The following STAP2 variants were observed in gnomAD, a reference collection of about 807,000 sequenced individuals.
STAP2 encodes the protein signal-transducing adaptor protein 2.
Under a neutral mutation model 52.7 loss-of-function variants are expected in STAP2, and 58 were observed. The ratio of observed to expected loss-of-function variants is 1.10; its 90% confidence interval spans 0.89 to 1.37. The LOEUF (loss-of-function observed/expected upper bound fraction) is 1.37, where lower values mean the gene tolerates loss of function less well. STAP2 is among the 40% of genes most tolerant of loss of function. The pLI, the probability that STAP2 is intolerant of heterozygous loss-of-function variation, is 0.00. For synonymous variants in STAP2, 231 were observed against 210.5 expected (o/e 1.10, Z -0.84); for missense variants, 522 against 519.4 (o/e 1.00, Z -0.05).
rs1271712811 is a variant in STAP2, at chr19:4,325,491, T to C, written c.884A>G (p.Asp295Gly). 1.2e-6 allele frequency: 2 copies of C among 1,612,814 alleles called. No homozygotes were observed. The highest frequency in any genetic ancestry group is 1.1e-5 in the South Asian group (1 of 90,786). ...PKPLSPASSQ[D>G]KLPPLPPLPN... Reference sequence around the variant, plus strand: ...TAGTGGGGGCAGTGGGGGCAGCTTGTCCTGGCTAGACGCAGGTGACAGCGG... The same window carrying C: ...TAGTGGGGGCAGTGGGGGCAGCTTGCCCTGGCTAGACGCAGGTGACAGCGG... The change falls in exon 10 of 13, where the codon GAC becomes GGC. Residue 295 changes from aspartate to glycine, a missense_variant. Transcript: ENST00000594605.
chr19:4,333,615 T>C lies in STAP2; in HGVS notation c.297+79A>G, dbSNP rs778050456. The C allele has an allele frequency of 5.9e-6, 9 of 1,513,792 alleles. No homozygotes were observed. The East Asian group carries it at 1.6e-4, about 27-fold the overall frequency. 93.8% of individuals were successfully genotyped at this position (1,513,792 alleles called of 1,614,324 possible). A position where few individuals can be genotyped will look rare whatever the true frequency, so the allele number is the denominator to read the frequency against. ...CCCTGTACTACCTGCCCCTTCGTGG[T>C]TGGCACAATGGAGGGTAGGAGCATT... On this transcript the variant is annotated intron_variant, in intron 3 of 12. Coordinates refer to ENST00000594605, the MANE Select transcript of STAP2 (RefSeq NM_001013841.2).
chr19:4,336,261 G>A (rs552227467), intron 1 of STAP2, among the ~76,000 whole-genome samples: 10 of 149,418 alleles, frequency 6.7e-5, no homozygotes, highest in East Asian at 4.0e-4. Context: ...GTGATCCGCC[G>A]GCCTCGCCCT....
chr19:4,335,654 G>C (rs1971970512), intron 1 of STAP2, among the ~76,000 whole-genome samples: 1 of 152,176 alleles, frequency 6.6e-6, no homozygotes, highest in South Asian at 2.1e-4. Context: ...ACTGGGACTA[G>C]AGCAATACAG....
In STAP2 at chr19:4,333,783, T is replaced by C. The variant is rs768138007; in HGVS notation, c.208A>G (p.Lys70Glu). 6.2e-7 allele frequency: 1 copy of C among 1,613,748 alleles called. No homozygotes were observed. Among genetic ancestry groups the C allele is most frequent in the Admixed American group, 1.7e-5 (1 of 59,998 alleles). Residue 70 changes from lysine to glutamate, a missense_variant, in exon 3 of 13, where the codon AAA (lysine) becomes GAA (glutamate). Physicochemically the swap from Lys to Glu is moderately conservative, Grantham distance 56. Transcript: ENST00000594605. ...VEKLNLGAFEKLTDEIPWGSS... is the reference protein window; with the variant it reads ...VEKLNLGAFEELTDEIPWGSS... Reference sequence around the variant, plus strand: ...CCCCAGGGAATCTCATCTGTGAGTTTCTCAAATGCTCCCAAGTTGAGCTTC... The same window carrying C: ...CCCCAGGGAATCTCATCTGTGAGTTCCTCAAATGCTCCCAAGTTGAGCTTC...
At chr19:4,333,104 C>T (rs2144790834) in intron 3 of STAP2, among the ~76,000 whole-genome samples, 1 of 152,096 alleles carries the variant, frequency 6.6e-6, no homozygotes, top group East Asian at 1.9e-4. Flanking sequence ...GCAGGAGAAT[C>T]ACTTAAACCT....
rs79318419 is a variant in STAP2, at chr19:4,328,662, C to G, written c.590+13G>C. On this transcript the variant is annotated intron_variant, in intron 6 of 12. Coordinates refer to ENST00000594605, the MANE Select transcript of STAP2 (RefSeq NM_001013841.2). ...CTCCTCCCACCCAGGGCTCTCCAGACGCGCATGCGCACCCGTTGTGCATCT... is the reference window on the plus strand; with the variant it reads ...CTCCTCCCACCCAGGGCTCTCCAGAGGCGCATGCGCACCCGTTGTGCATCT... 1 of 1,563,848 alleles carries G rather than the reference C, an allele frequency of 6.4e-7. No individual in the cohort carries two copies. The highest frequency in any genetic ancestry group is 8.7e-7 in the Non-Finnish European group (1 of 1,152,084).
chr19:4,324,951 G>T (rs934879383), intron 11 of STAP2: 43 of 465,712 alleles, frequency 9.2e-5, no homozygotes, highest in Non-Finnish European at 1.5e-4. Flanking sequence ...TGGCTAACAT[G>T]GTGAAACCCC....
At position 4,333,685 on chromosome 19, in the gene STAP2, G is replaced by C. The variant is rs747741019; in HGVS notation, c.297+9C>G. The C allele has an allele frequency of 3.1e-6, 5 of 1,608,410 alleles. No individual in the cohort carries two copies. The highest frequency in any genetic ancestry group is 4.2e-6 in the Non-Finnish European group (5 of 1,178,784). On this transcript the variant is annotated intron_variant, in intron 3 of 12. Transcript: ENST00000594605. ...CCGCCCCTCTGCACCCCTCCAGCAAGGGACCTACCTTGAACTTGATCTCCT... is the reference window on the plus strand; with the variant it reads ...CCGCCCCTCTGCACCCCTCCAGCAACGGACCTACCTTGAACTTGATCTCCT...
At chr19:4,333,618 G>A (rs559189058) in intron 3 of STAP2, 76 bp downstream of exon 3, 110 of 1,518,986 alleles carry the variant, frequency 7.2e-5, no homozygotes, top group Admixed American at 6.9e-4. Flanking sequence ...TTCGTGGTTG[G>A]CACAATGGAG....
intron 4 of STAP2, among the ~76,000 whole-genome samples, chr19:4,330,839 C>T (rs1034515597): frequency 5.3e-5 from 8 of 151,344 alleles, no homozygotes; most frequent in Admixed American, 3.3e-4. Context: ...CTCAGCCTCC[C>T]GAGTAGCTGG....
At chr19:4,338,386 G>A (rs1042196320) in intron 1 of STAP2, 2 of 301,110 alleles carry the variant, frequency 6.6e-6, no homozygotes, top group African/African-American at 4.3e-5. Context: ...CAAAGAGAGA[G>A]GGAGACTGAG....
At chr19:4,330,596 G>A (rs1056194150) in intron 4 of STAP2, among the ~76,000 whole-genome samples, 12 of 151,756 alleles carry the variant, frequency 7.9e-5, no homozygotes, top group African/African-American at 2.4e-4. Flanking sequence ...AAAGTCTGCA[G>A]GGGCCAGGCA....
At chr19:4,325,152 A>AT in intron 11 of STAP2, 64 bp downstream of exon 11, 6 of 1,168,316 alleles carry the variant, frequency 5.1e-6, no homozygotes, top group Non-Finnish European at 7.2e-6. Context: ...AAAAAAAAAA[A>AT]GTCAGATGAG....
intron 1 of STAP2, among the ~76,000 whole-genome samples, chr19:4,334,805 TC>T (rs1274805568): frequency 9.2e-5 from 12 of 130,826 alleles, no homozygotes; most frequent in South Asian, 2.6e-4. Context: ...CATCCATCCC[TC>T]CATCATCCAT....
chr19:4,331,156 C>G (rs936138085), intron 4 of STAP2, among the ~76,000 whole-genome samples: 5 of 151,860 alleles, frequency 3.3e-5, no homozygotes, highest in African/African-American at 1.2e-4. Context: ...ATAGTGAGAC[C>G]CTGCTCTACA....
intron 11 of STAP2, chr19:4,324,789 G>A (rs1206650632): frequency 1.3e-5 from 6 of 472,870 alleles, no homozygotes; most frequent in Admixed American, 3.6e-5. Flanking sequence ...CTGAGATCGC[G>A]CCACTGCCTG....
In STAP2 at chr19:4,327,318, G is replaced by A. The variant is rs1487846986; in HGVS notation, c.658C>T (p.Pro220Ser). The change falls in exon 7 of 13, where the codon CCG becomes TCG. Residue 220 changes from proline (P) to serine (S), a missense_variant and splice_region_variant. Pro to Ser is a moderately conservative substitution (Grantham distance 74). Coordinates refer to ENST00000594605, the MANE Select transcript of STAP2 (RefSeq NM_001013841.2). ...AGGGACTCTGGCCCAACGCTCACCG[G>A]CTGTTCCACATCGATCACGTACTTG... is the stretch of plus-strand genomic sequence containing the variant. ...GPKYVIDVEQ[P>S]FSCTSLDAVV... The A allele has an allele frequency of 1.2e-6, 2 of 1,614,150 alleles. No homozygotes were observed. Among genetic ancestry groups the A allele is most frequent in the East Asian group, 4.5e-5 (2 of 44,884 alleles).
intron 4 of STAP2, 150 bp downstream of exon 4, chr19:4,331,872 C>T: frequency 2.3e-5 from 15 of 657,068 alleles, no homozygotes; most frequent in South Asian, 1.1e-4. Flanking sequence ...GCGGAGCTTG[C>T]AGTGAGCCGA....
rs1972018907 is a variant in STAP2, at chr19:4,338,647, C to T, written c.102+5G>A. The T allele has an allele frequency of 1.4e-5, 23 of 1,591,290 alleles. No homozygotes were observed. The highest frequency in any genetic ancestry group is 1.9e-5 in the Non-Finnish European group (22 of 1,166,484). ...GCAGGGCCAGCCCCCGCCTCCCCACCTTACCCGGTCACAGGGCCCCTTCTT... is the reference window on the plus strand; with the variant it reads ...GCAGGGCCAGCCCCCGCCTCCCCACTTTACCCGGTCACAGGGCCCCTTCTT... On this transcript the variant is annotated splice_donor_5th_base_variant and intron_variant, in intron 1 of 12. Transcript: ENST00000594605.
Sources: allele counts gnomAD v4.1 joint callset (sites outside exome capture counted in the v4.1 genomes callset), GRCh38; gene constraint gnomAD v4.1.1; transcripts MANE v1.5; gene names NCBI Gene and HGNC (gene_info 2026-07-23, HGNC 2026-07-21).